Variants in NRXN3 observed in about 807,000 individuals in gnomAD.
The protein encoded by NRXN3 is neurexin III.
Under a neutral mutation model 137.6 loss-of-function variants are expected in NRXN3, and 32 were observed. The ratio of observed to expected loss-of-function variants is 0.23; its 90% CI spans 0.18 to 0.31. The LOEUF is 0.31. Among genes scored for constraint, NRXN3 ranks in the 10% least tolerant of loss-of-function variants. NRXN3 has a pLI of 1.00. For missense variants in NRXN3, 1,574 were observed against 2,062.5 expected (o/e 0.76, Z 4.59); for synonymous variants, 798 against 784.5 (o/e 1.02, Z -0.29).
chr14:79,195,549 CT>C (rs2065022263), intron 15 of NRXN3, among the ~76,000 whole-genome samples: 1 of 152,206 alleles, frequency 6.6e-6, no homozygotes, highest in Non-Finnish European at 1.5e-5. Context: ...CACATCTCTT[CT>C]TTCATTATAT....
chr14:78,335,452 C>T (rs552505011), intron 4 of NRXN3, among the ~76,000 whole-genome samples: 2 of 152,220 alleles, frequency 1.3e-5, no homozygotes, highest in Admixed American at 6.5e-5. Context: ...GAGCCAGGCT[C>T]CCTTTCTGTC....
intron 6 of NRXN3, among the ~76,000 whole-genome samples, chr14:78,692,241 A>T (rs2098178435): frequency 6.6e-6 from 1 of 152,212 alleles, no homozygotes; most frequent in African/African-American, 2.4e-5. Context: ...TGTGGTCTTG[A>T]CTTCTTCTCA....
At chr14:79,356,405 T>A (rs995428984) in intron 15 of NRXN3, among the ~76,000 whole-genome samples, 1 of 152,206 alleles carries the variant, frequency 6.6e-6, no homozygotes, top group Non-Finnish European at 1.5e-5. Flanking sequence ...TTTCCTGGAA[T>A]GCACAACTTT....
At chr14:78,535,166 C>T (rs1201092591) in intron 4 of NRXN3, among the ~76,000 whole-genome samples, 1 of 151,614 alleles carries the variant, frequency 6.6e-6, no homozygotes, top group Non-Finnish European at 1.5e-5. Flanking sequence ...CTTCCATTTC[C>T]CTCAGGTAGA....
intron 8 of NRXN3, among the ~76,000 whole-genome samples, chr14:78,784,203 G>C (rs28473139): frequency 7.0e-4 from 106 of 152,266 alleles, no homozygotes; most frequent in African/African-American, 2.3e-3. Context: ...GAAGATGATA[G>C]TTAAGCTATT....
intron 15 of NRXN3, among the ~76,000 whole-genome samples, chr14:79,216,370 C>G (rs540700068): frequency 3.3e-5 from 5 of 152,278 alleles, no homozygotes; most frequent in Admixed American, 3.3e-4. Context: ...CACACAGTTA[C>G]ATTTCCACCA....
intron 6 of NRXN3, among the ~76,000 whole-genome samples, chr14:78,655,795 T>A (rs1331238490): frequency 6.6e-6 from 1 of 152,208 alleles, no homozygotes; most frequent in Non-Finnish European, 1.5e-5. Flanking sequence ...GCTGAGTGGC[T>A]TATAAACAAC....
intron 15 of NRXN3, among the ~76,000 whole-genome samples, chr14:79,134,712 A>G (rs2653546): frequency 0.018 from 2,686 of 152,262 alleles, 76 homozygotes; most frequent in African/African-American, 0.062. Flanking sequence ...GGAAAATATA[A>G]AGGAGTAATC....
At chr14:78,897,108 A>G (rs1204855519) in intron 10 of NRXN3, among the ~76,000 whole-genome samples, 1 of 151,924 alleles carries the variant, frequency 6.6e-6, no homozygotes, top group Admixed American at 6.6e-5. Flanking sequence ...GAGACTGCCT[A>G]CAAGCTGAAA....
At chr14:78,633,102 A>G (rs1446288125) in intron 4 of NRXN3, among the ~76,000 whole-genome samples, 1 of 151,592 alleles carries the variant, frequency 6.6e-6, no homozygotes, top group Non-Finnish European at 1.5e-5. Flanking sequence ...AATTAAAAAA[A>G]AAATTAGCCT....
intron 10 of NRXN3, among the ~76,000 whole-genome samples, chr14:78,838,928 C>A (rs1430182731): frequency 6.6e-6 from 1 of 152,138 alleles, no homozygotes; most frequent in Non-Finnish European, 1.5e-5. Context: ...GCATGCTGTG[C>A]TTCATACCCT....
At chr14:78,876,252 G>A (rs925591736) in intron 10 of NRXN3, among the ~76,000 whole-genome samples, 1 of 152,088 alleles carries the variant, frequency 6.6e-6, no homozygotes, top group African/African-American at 2.4e-5. Context: ...TGTTTTCAAA[G>A]GCAGAGAAGG....
At chr14:79,552,376 A>G (rs2097381596) in intron 16 of NRXN3, among the ~76,000 whole-genome samples, 1 of 152,156 alleles carries the variant, frequency 6.6e-6, no homozygotes, top group Non-Finnish European at 1.5e-5. Context: ...ATCTGTGTGA[A>G]TTTGAGTAGT....
intron 4 of NRXN3, among the ~76,000 whole-genome samples, chr14:78,476,185 G>A (rs899449443): frequency 1.5e-4 from 23 of 152,192 alleles, no homozygotes; most frequent in African/African-American, 5.5e-4. Flanking sequence ...GACAAGTTTT[G>A]TAATTTCACA....
chr14:79,416,208 C>T (rs1410348574), intron 15 of NRXN3, among the ~76,000 whole-genome samples: 2 of 152,036 alleles, frequency 1.3e-5, no homozygotes, highest in South Asian at 4.1e-4. Flanking sequence ...TTCTTTTAAA[C>T]CTCCTGGCAA....
chr14:78,286,828 A>T (rs1212316903), intron 3 of NRXN3, among the ~76,000 whole-genome samples: 7 of 152,230 alleles, frequency 4.6e-5, no homozygotes, highest in Non-Finnish European at 7.3e-5. Flanking sequence ...GTGTGGTTAC[A>T]TGTGACTGTC....
intron 16 of NRXN3, among the ~76,000 whole-genome samples, chr14:79,614,517 G>A (rs762485989): frequency 1.3e-5 from 2 of 152,060 alleles, no homozygotes; most frequent in Non-Finnish European, 1.5e-5. Context: ...ATCTACCGCC[G>A]AATATAGATC....
intron 15 of NRXN3, among the ~76,000 whole-genome samples, chr14:79,183,012 T>C (rs763176991): frequency 2.6e-5 from 4 of 152,162 alleles, no homozygotes; most frequent in South Asian, 2.1e-4. Context: ...AAGAGAAATA[T>C]TGCTATAAAA....
At chr14:78,567,958 A>G (rs2096851937) in intron 4 of NRXN3, among the ~76,000 whole-genome samples, 1 of 152,038 alleles carries the variant, frequency 6.6e-6, no homozygotes, top group African/African-American at 2.4e-5. Flanking sequence ...CAGGGTTTTC[A>G]TGATCTTATT....
Sources: allele counts gnomAD v4.1 joint callset (sites outside exome capture counted in the v4.1 genomes callset), GRCh38; gene constraint gnomAD v4.1.1; transcripts MANE v1.5; gene names NCBI Gene and HGNC (gene_info 2026-07-23, HGNC 2026-07-21).